XRCC1: variants seen among roughly 807,000 people sequenced by gnomAD.
The protein encoded by XRCC1 is X-ray repair cross complementing 1, also known as DNA repair protein XRCC1.
Under a neutral mutation model 83.3 loss-of-function variants are expected in XRCC1, and 52 were observed. That is an observed-to-expected ratio of 0.62 (90% CI 0.50 to 0.79). The LOEUF (loss-of-function observed/expected upper bound fraction) is 0.79. Ranked by LOEUF, XRCC1 falls within the 30% of genes least tolerant of loss-of-function variation. The pLI is 0.00. For synonymous variants in XRCC1, 281 were observed against 312.6 expected (o/e 0.90, Z 1.07); for missense variants, 793 against 823.5 (o/e 0.96, Z 0.45).
chr19:43,568,624 T>C (rs1395384502), intron 2 of XRCC1, among the ~76,000 whole-genome samples: 1 of 151,920 alleles, frequency 6.6e-6, no homozygotes, highest in Non-Finnish European at 1.5e-5. Flanking sequence ...GTATATACTA[T>C]GAATTTTTTA....
chr19:43,575,035 C>A, intron 1 of XRCC1, 33 bp from the exon 2 acceptor site: 2 of 1,563,130 alleles, frequency 1.3e-6, no homozygotes, highest in East Asian at 2.2e-5. Flanking sequence ...AGAATTAGGG[C>A]ACAGAGATGA....
intron 1 of XRCC1, 21 bp downstream of exon 1, chr19:43,575,387 T>C: frequency 6.3e-7 from 1 of 1,576,460 alleles, no homozygotes; most frequent in Non-Finnish European, 8.6e-7. Flanking sequence ...TCTTCCAACC[T>C]CCCCCATGCA....
chr19:43,568,497 AAAGTAAGTAAGT>A (rs200331399), intron 2 of XRCC1, among the ~76,000 whole-genome samples: 1 of 151,928 alleles, frequency 6.6e-6, no homozygotes, highest in African/African-American at 2.4e-5. Flanking sequence ...ATTCTGTCTC[AAAGTAAGTAAGT>A]AAGTAAGTAA....
At chr19:43,543,929 T>C (rs984101813) in intron 15 of XRCC1, among the ~76,000 whole-genome samples, 1 of 152,054 alleles carries the variant, frequency 6.6e-6, no homozygotes, top group Non-Finnish European at 1.5e-5. Flanking sequence ...ATCCTCGCCA[T>C]ACAGAAGAGG....
At chr19:43,566,394 A>G (rs963097967) in intron 2 of XRCC1, among the ~76,000 whole-genome samples, 1 of 148,172 alleles carries the variant, frequency 6.7e-6, no homozygotes, top group Non-Finnish European at 1.5e-5. Context: ...TTAACCAGGC[A>G]TGGTGGCAGG....
chr19:43,547,913 G>A (rs1198201634), intron 10 of XRCC1, among the ~76,000 whole-genome samples: 2 of 152,170 alleles, frequency 1.3e-5, no homozygotes. Context: ...CACCATTTAA[G>A]GGGAAAATCT....
intron 9 of XRCC1, 91 bp from the exon 10 acceptor site, chr19:43,551,778 G>A: frequency 9.7e-7 from 1 of 1,025,952 alleles, no homozygotes; most frequent in South Asian, 1.4e-5. Flanking sequence ...GAGAGAGAGA[G>A]ACAGACAGAC....
rs185798002 is a variant in XRCC1 at position 43,575,093 on chromosome 19, C to T, written c.52-91G>A. ...ATGATTCCTTTGAGTCCTCCCAAGG[C>T]CTCTACGACCCCCAGATTTAAGCTC... is the stretch of plus-strand genomic sequence containing the variant. On this transcript the variant is annotated intron_variant, in intron 1 of 16. Transcript: ENST00000262887. 4 of 1,021,308 alleles carry T rather than the reference C, an allele frequency of 3.9e-6. No individual in the cohort carries two copies. In the African/African-American group the frequency reaches 6.3e-5, roughly 16 times the overall value. 63.3% of individuals were successfully genotyped at this position (1,021,308 alleles called of 1,614,324 possible).
chr19:43,573,751 T>G (rs756665119), intron 2 of XRCC1, among the ~76,000 whole-genome samples: 13 of 152,098 alleles, frequency 8.5e-5, no homozygotes, highest in Non-Finnish European at 1.6e-4. Context: ...GGTGCACACC[T>G]GCAGTCCCAG....
At chr19:43,551,538 G>T in intron 10 of XRCC1, 33 bp downstream of exon 10, 1 of 1,569,244 alleles carries the variant, frequency 6.4e-7, no homozygotes. Context: ...CCCAGCACAG[G>T]ATAAGGAGCA....
rs754338621 is a variant in XRCC1 at position 43,553,081 on chromosome 19, G to A, written c.612C>T (p.Ser204=). The change falls in exon 7 of 17, where the codon AGC becomes AGT. Residue 204 remains serine (S), a synonymous_variant. Coordinates refer to ENST00000262887, the MANE Select transcript of XRCC1 (RefSeq NM_006297.3). ...RINKTSPVTA[S]DPAGPSYAAA... Reference sequence around the variant, plus strand: ...CTGCATAGCTAGGTCCTGCTGGGTCGCTGGCTGTGACTATGAAGGGAGAAA... The same window carrying A: ...CTGCATAGCTAGGTCCTGCTGGGTCACTGGCTGTGACTATGAAGGGAGAAA... 8.9e-6 allele frequency: 14 copies of A among 1,571,244 alleles called. No individual in the cohort carries two copies. The highest frequency in any genetic ancestry group is 5.4e-5 in the African/African-American group (4 of 74,092).
Position 43,543,626 on chromosome 19 carries a change from G to A in XRCC1, c.1774C>T (p.Pro592Ser). Reference protein sequence around the residue: ...QFVITAQEWDPSFEEALMDNP... With the variant: ...QFVITAQEWDSSFEEALMDNP... ...TTGGTACTCACCTCCTCAAAGCTGG[G>A]ATCCCATTCCTGTGCTGTGATCACA... The change falls in exon 16 of 17, where the codon CCC becomes TCC. Residue 592 changes from proline to serine, a missense_variant. By Grantham distance (74) the Pro-to-Ser change is moderately conservative. Coordinates refer to ENST00000262887, the MANE Select transcript of XRCC1 (RefSeq NM_006297.3). 6.2e-7 allele frequency: 1 copy of A among 1,613,924 alleles called. No individual in the cohort carries two copies. Among genetic ancestry groups the A allele is most frequent in the Non-Finnish European group, 8.5e-7 (1 of 1,179,996 alleles).
Position 43,546,152 on chromosome 19 carries a change from G to A in XRCC1, c.1427-46C>T, listed in dbSNP as rs2307190. 5.0e-5 allele frequency: 80 copies of A among 1,608,890 alleles called. No homozygotes were observed. In the African/African-American group the frequency reaches 9.2e-4, roughly 19 times the overall value. On this transcript the variant is annotated intron_variant, in intron 12 of 16. Transcript: ENST00000262887. ...AATGCAAGGCTGCCTTGTCTCCTGG[G>A]AAGACTGGCAGCTCTCCCAGTATGG... is the stretch of plus-strand genomic sequence containing the variant.
At chr19:43,560,270 C>G (rs1205709231) in intron 3 of XRCC1, among the ~76,000 whole-genome samples, 1 of 151,614 alleles carries the variant, frequency 6.6e-6, no homozygotes, top group East Asian at 1.9e-4. Flanking sequence ...GTGGTGGGCA[C>G]CTGTAGTCCC....
At chr19:43,566,284 G>C (rs1233350155) in intron 2 of XRCC1, among the ~76,000 whole-genome samples, 1 of 150,086 alleles carries the variant, frequency 6.7e-6, no homozygotes, top group African/African-American at 2.5e-5. Context: ...TGTAATCCTA[G>C]CACTTCGGGA....
chr19:43,557,661 C>G (rs1221121789), intron 3 of XRCC1, among the ~76,000 whole-genome samples: 1 of 151,744 alleles, frequency 6.6e-6, no homozygotes, highest in Non-Finnish European at 1.5e-5. Context: ...TGCATGGTGG[C>G]ACAGGCCTGT....
chr19:43,552,230 C>T lies in XRCC1; in HGVS notation c.869G>A (p.Arg290Gln), dbSNP rs757238066. 66 of 1,612,902 alleles carry T rather than the reference C, an allele frequency of 4.1e-5. 1 individual carries two copies. The East Asian group carries it at 8.5e-4, about 21-fold the overall frequency. The part of the protein sequence containing the change: ...RTPATAPVPA[R>Q]AQGAVTGKPR... ...TTTGCCTGTCACTGCCCCCTGTGCT[C>T]GGGCAGGGACTGGGGCTGTGGCTGG... Residue 290 changes from arginine to glutamine, a missense_variant, in exon 9 of 17, where the codon CGA becomes CAA. By Grantham distance (43) the Arg-to-Gln change is conservative. Transcript: ENST00000262887.
intron 2 of XRCC1, 177 bp downstream of exon 2, chr19:43,574,733 T>C (rs952023820): frequency 5.0e-5 from 30 of 599,590 alleles, no homozygotes; most frequent in South Asian, 1.3e-4. Context: ...ACTTAATCCT[T>C]GGGTCTCCTT....
intron 3 of XRCC1, among the ~76,000 whole-genome samples, chr19:43,556,168 G>A (rs1972633740): frequency 6.6e-6 from 1 of 152,142 alleles, no homozygotes; most frequent in Admixed American, 6.6e-5. Context: ...AAGTACAAGT[G>A]TAAGCCACCA....
Sources: gnomAD v4.1 joint callset for allele counts (sites outside exome capture counted in the v4.1 genomes callset) on GRCh38, gnomAD v4.1.1 for gene constraint, MANE v1.5 for transcripts, NCBI Gene and HGNC (gene_info 2026-07-23, HGNC 2026-07-21) for gene names.